Variants in ERC1 observed in about 807,000 individuals in gnomAD.
The protein encoded by ERC1 is ELKS/RAB6-interacting/CAST family member 1.
A neutral mutation model predicts 132.0 loss-of-function variants in ERC1; 56 were observed. The ratio of observed to expected loss-of-function variants is 0.42; its 90% CI spans 0.34 to 0.53. ERC1 has a LOEUF of 0.53. Ranked by LOEUF, ERC1 falls within the 20% of genes least tolerant of loss-of-function variation. The pLI is 0.03. For missense variants in ERC1, 1,202 were observed against 1,349.9 expected, an observed-to-expected ratio of 0.89 and a Z score of 1.72; for synonymous variants, 478 against 476.1, an observed-to-expected ratio of 1.00 and a Z score of -0.05.
At chr12:1,032,290 C>T (rs1463316574) in intron 2 of ERC1, among the ~76,000 whole-genome samples, 1 of 152,162 alleles carries the variant, frequency 6.6e-6, no homozygotes, top group Non-Finnish European at 1.5e-5. Context: ...ACCTCGTGAT[C>T]CGCCTGCCTT....
At chr12:1,398,212 G>T (rs977441478) in intron 16 of ERC1, among the ~76,000 whole-genome samples, 2 of 151,804 alleles carry the variant, frequency 1.3e-5, no homozygotes, top group African/African-American at 4.8e-5. Flanking sequence ...TCAAACTCCT[G>T]GGCTCAAGTG....
Position 1,142,000 on chromosome 12 carries a change from C to T in ERC1, c.1737+213C>T, listed in dbSNP as rs562856495. 4.3e-4 allele frequency among the ~76,000 whole-genome samples: 65 copies of T among 152,230 alleles called. 1 individual carries two copies. The highest frequency in any genetic ancestry group is 6.8e-3 in the Middle Eastern group (2 of 294). ...AAATTTAAACACTGTTAGTATCTTC[C>T]AGTAGTGCTTTTCATGCTGTTTCTC... On this transcript the variant is annotated intron_variant, in intron 8 of 18. Coordinates refer to ENST00000360905, the MANE Select transcript of ERC1 (RefSeq NM_178040.4).
At chr12:1,047,369 TGTC>T (rs975056568) in intron 2 of ERC1, among the ~76,000 whole-genome samples, 1 of 152,212 alleles carries the variant, frequency 6.6e-6, no homozygotes, top group African/African-American at 2.4e-5. Context: ...GCTTTTTTAA[TGTC>T]TATATATATT....
intron 2 of ERC1, among the ~76,000 whole-genome samples, chr12:1,075,424 G>A (rs1294870697): frequency 6.6e-6 from 1 of 152,132 alleles, no homozygotes; most frequent in South Asian, 2.1e-4. Flanking sequence ...TGGGTGTGGT[G>A]CCTCATGCCT....
At chr12:1,340,927 C>T (rs765570443) in intron 15 of ERC1, among the ~76,000 whole-genome samples, 31 of 151,916 alleles carry the variant, frequency 2.0e-4, no homozygotes, top group Admixed American at 2.0e-3. Flanking sequence ...GATGTGTTTT[C>T]CAGTTCTTGT....
intron 16 of ERC1, among the ~76,000 whole-genome samples, chr12:1,391,943 C>T (rs1209860629): frequency 6.6e-6 from 1 of 152,134 alleles, no homozygotes; most frequent in Non-Finnish European, 1.5e-5. Context: ...GACTGGTCTG[C>T]CTTCTCTCTG....
chr12:1,159,810 C>T (rs964986671), intron 8 of ERC1, among the ~76,000 whole-genome samples: 1 of 152,210 alleles, frequency 6.6e-6, no homozygotes, highest in African/African-American at 2.4e-5. Flanking sequence ...GTTCCGTTCA[C>T]GGCCCTTAGC....
intron 17 of ERC1, among the ~76,000 whole-genome samples, chr12:1,437,875 A>G (rs929576201): frequency 7.9e-5 from 12 of 152,246 alleles, no homozygotes; most frequent in Non-Finnish European, 2.9e-5. Flanking sequence ...AATGATTCTC[A>G]TGTTTCTTTG....
chr12:1,316,419 T>G (rs1185104004), intron 15 of ERC1, among the ~76,000 whole-genome samples: 6 of 152,216 alleles, frequency 3.9e-5, no homozygotes, highest in Admixed American at 3.9e-4. Flanking sequence ...TTTAGTTGTA[T>G]TATTGCTGAA....
At chr12:1,221,139 C>A (rs1194825598) in intron 12 of ERC1, among the ~76,000 whole-genome samples, 1 of 152,074 alleles carries the variant, frequency 6.6e-6, no homozygotes. Context: ...TCAGTGAGGG[C>A]TGAGATTTTT....
At chr12:1,346,815 G>A (rs1002283245) in intron 15 of ERC1, among the ~76,000 whole-genome samples, 5 of 151,260 alleles carry the variant, frequency 3.3e-5, no homozygotes, top group Admixed American at 6.6e-5. Context: ...GGTGGCGGGC[G>A]CCTGTAGTCC....
chr12:1,066,208 AAC>A (rs1193353658), intron 2 of ERC1, among the ~76,000 whole-genome samples: 1 of 152,244 alleles, frequency 6.6e-6, no homozygotes, highest in Non-Finnish European at 1.5e-5. Context: ...AAGTTTTATG[AAC>A]AGTCATAAAT....
chr12:1,316,183 G>C (rs749905228), intron 15 of ERC1, among the ~76,000 whole-genome samples: 3 of 152,156 alleles, frequency 2.0e-5, no homozygotes, highest in East Asian at 1.9e-4. Context: ...CACCGCGCCC[G>C]GCTGGTAAAC....
At chr12:1,228,121 G>A (rs548725313) in intron 12 of ERC1, among the ~76,000 whole-genome samples, 7 of 152,044 alleles carry the variant, frequency 4.6e-5, no homozygotes, top group South Asian at 2.1e-4. Flanking sequence ...GGCTATTCAC[G>A]GTCTTTTATG....
At chr12:1,052,652 A>G (rs1972223394) in intron 2 of ERC1, among the ~76,000 whole-genome samples, 1 of 152,200 alleles carries the variant, frequency 6.6e-6, no homozygotes, top group African/African-American at 2.4e-5. Context: ...GAGAAAAAAC[A>G]TTAAAAAGTA....
intron 15 of ERC1, among the ~76,000 whole-genome samples, chr12:1,312,839 A>T (rs913251156): frequency 1.3e-5 from 2 of 152,136 alleles, no homozygotes; most frequent in Non-Finnish European, 2.9e-5. Flanking sequence ...CTACTTTTAA[A>T]GTCCCCTTCT....
At chr12:1,341,126 C>G (rs2083841612) in intron 15 of ERC1, among the ~76,000 whole-genome samples, 1 of 67,538 alleles carries the variant, frequency 1.5e-5, no homozygotes, top group Non-Finnish European at 2.8e-5. Flanking sequence ...CAGAGTCTTA[C>G]TCTGTCGCCC....
intron 17 of ERC1, among the ~76,000 whole-genome samples, chr12:1,436,367 C>A (rs2092949149): frequency 6.6e-6 from 1 of 152,034 alleles, no homozygotes; most frequent in Admixed American, 6.6e-5. Context: ...TAAATGTGTT[C>A]CTCTTCAGTT....
chr12:1,283,347 G>A (rs1042950591), intron 14 of ERC1, among the ~76,000 whole-genome samples: 1 of 152,154 alleles, frequency 6.6e-6, no homozygotes, highest in Non-Finnish European at 1.5e-5. Context: ...ATTCTTCATT[G>A]TTTAGTATAG....
Sources: gnomAD v4.1 joint callset for allele counts (sites outside exome capture counted in the v4.1 genomes callset) on GRCh38, gnomAD v4.1.1 for gene constraint, MANE v1.5 for transcripts, NCBI Gene and HGNC (gene_info 2026-07-23, HGNC 2026-07-21) for gene names.